EPHA2: variants seen among roughly 807,000 people sequenced by gnomAD.
The protein encoded by EPHA2 is EPH receptor A2, also known as ephrin type-A receptor 2.
Under a neutral mutation model 104.9 loss-of-function variants are expected in EPHA2, and 54 were observed. The ratio of observed to expected loss-of-function variants is 0.51; its 90% CI spans 0.41 to 0.65. EPHA2 has a LOEUF of 0.65. Among genes scored for constraint, EPHA2 ranks in the 30% least tolerant of loss-of-function variants. The pLI, the probability that EPHA2 is intolerant of heterozygous loss-of-function variation, is 0.00. For synonymous variants in EPHA2, 560 were observed against 559.1 expected, an observed-to-expected ratio of 1.00 and a Z score of -0.02; for missense variants, 1,117 against 1,369.5, an observed-to-expected ratio of 0.82 and a Z score of 2.91.
chr1:16,152,227 G>A (rs1363217127), intron 1 of EPHA2, among the ~76,000 whole-genome samples: 2 of 152,216 alleles, frequency 1.3e-5, no homozygotes, highest in African/African-American at 4.8e-5. Context: ...GACTCAAAGG[G>A]TGGACAGAGC....
At position 16,135,687 on chromosome 1, in the gene EPHA2, C is replaced by A; in HGVS notation, c.1396G>T (p.Val466Leu). The change falls in exon 6 of 17, where the codon GTG (valine) becomes TTG (leucine). Residue 466 changes from valine to leucine, a missense_variant. Physicochemically the swap from Val to Leu is conservative, Grantham distance 32. Transcript: ENST00000358432. The surrounding 1 kb of genome is among the most constrained non-coding windows in gnomAD (Gnocchi z 4.3). Reference sequence around the variant, plus strand: ...CGGTAAGTGACCTCGTACTTCCACACTCGGCTCTGCTGCGGCGGGGGGATG... The same window carrying A: ...CGGTAAGTGACCTCGTACTTCCACAATCGGCTCTGCTGCGGCGGGGGGATG... ...WSIPPPQQSR[V>L]WKYEVTYRKK... is the part of the protein sequence containing the mutation. 3 of 1,613,938 alleles carry A rather than the reference C, an allele frequency of 1.9e-6. No individual in the cohort carries two copies. Among genetic ancestry groups the A allele is most frequent in the Non-Finnish European group, 2.5e-6 (3 of 1,180,008 alleles).
chr1:16,135,852 G>GGATGTGGCT lies in EPHA2; in HGVS notation c.1313-83_1313-82insAGCCACATC. 1 of 732,030 alleles carries GGATGTGGCT rather than the reference G, an allele frequency of 1.4e-6. No homozygotes were observed. Among genetic ancestry groups the GGATGTGGCT allele is most frequent in the Non-Finnish European group, 2.5e-6 (1 of 399,216 alleles). 45.3% of individuals were successfully genotyped at this position (732,030 alleles called of 1,614,324 possible). A position where few individuals can be genotyped will look rare whatever the true frequency, so the allele number is the denominator to read the frequency against. ...GTTTGGGGGGACAAGTGGACGTGGA[G>GGATGTGGCT]CCACATCCTCCACAGCCCAGATTCT... On this transcript the variant is annotated intron_variant, in intron 5 of 16. Coordinates refer to ENST00000358432, the MANE Select transcript of EPHA2 (RefSeq NM_004431.5). This position sits in a 1 kb window ranked among gnomAD's most constrained non-coding sequence, Gnocchi z 4.3.
At position 16,134,357 on chromosome 1, in the gene EPHA2, T is replaced by TAGA; in HGVS notation, c.1682+108_1682+110dup. On this transcript the variant is annotated intron_variant, in intron 8 of 16. Coordinates refer to ENST00000358432, the MANE Select transcript of EPHA2 (RefSeq NM_004431.5). The surrounding 1 kb of genome is among the most constrained non-coding windows in gnomAD (Gnocchi z 4.5). ...CCTCGCACCATCCGGAGGCAGGGAT[T>TAGA]AGACTCGACTAGCATCCTGTGGGCC... is the stretch of plus-strand genomic sequence containing the variant. The TAGA allele has an allele frequency of 8.5e-7, 1 of 1,174,540 alleles. No individual in the cohort carries two copies. The allele number at this position is 1,174,540 out of a possible 1,614,324, so 72.8% of individuals were successfully genotyped here. A position where few individuals can be genotyped will look rare whatever the true frequency, so the allele number is the denominator to read the frequency against.
intron 15 of EPHA2, 124 bp from the exon 16 acceptor site, chr1:16,129,713 C>T: frequency 1.5e-6 from 2 of 1,316,882 alleles, no homozygotes; most frequent in Non-Finnish European, 2.0e-6. Context: ...CTTATCTGGG[C>T]AACAGGGAAG....
At chr1:16,138,555 C>A (rs957607173) in intron 3 of EPHA2, 125 bp from the exon 4 acceptor site, 3 of 1,403,096 alleles carry the variant, frequency 2.1e-6, no homozygotes, top group African/African-American at 2.8e-5. Context: ...CTCTATGGAC[C>A]TGTTTTCTCA....
Position 16,152,732 on chromosome 1 carries a change from C to A in EPHA2, c.86-1769G>T, listed in dbSNP as rs559778239. On this transcript the variant is annotated intron_variant, in intron 1 of 16. Transcript: ENST00000358432. ...TCTGTGCCCAAGTGAGAGGGCTCAC[C>A]GCTACCAGGCTTCTGAAGGGTTAAC... Among the ~76,000 whole-genome samples the A allele has an allele frequency of 3.9e-5, 6 of 152,322 alleles. No homozygotes were observed. In the South Asian group the frequency reaches 1.0e-3, roughly 26 times the overall value.
chr1:16,136,335 A>ATAATAATAATAAT, intron 5 of EPHA2, among the ~76,000 whole-genome samples: 3 of 148,794 alleles, frequency 2.0e-5, no homozygotes, highest in African/African-American at 4.9e-5. Flanking sequence ...AATAATAATA[A>ATAATAATAATAAT]AAGGCCAGGT....
chr1:16,131,896 C>A lies in EPHA2; in HGVS notation c.2326-26G>T. 2 of 1,611,538 alleles carry A rather than the reference C, an allele frequency of 1.2e-6. No homozygotes were observed. The highest frequency in any genetic ancestry group is 1.7e-6 in the Non-Finnish European group (2 of 1,178,822). ...CTGCAGGGAACCCAGGCCCAGTCAC[C>A]ACTGTGCCCTCTGGCTGGCCCCAGG... On this transcript the variant is annotated intron_variant, in intron 13 of 16. Coordinates refer to ENST00000358432, the MANE Select transcript of EPHA2 (RefSeq NM_004431.5). This position sits in a 1 kb window ranked among gnomAD's most constrained non-coding sequence, Gnocchi z 5.2.
In EPHA2 at chr1:16,129,552, C is replaced by T. The variant is rs764404987; in HGVS notation, c.2707G>A (p.Gly903Arg). 3 of 1,612,854 alleles carry T rather than the reference C, an allele frequency of 1.9e-6. No individual in the cohort carries two copies. In the African/African-American group the frequency reaches 4.0e-5, roughly 22 times the overall value. Residue 903 changes from glycine to arginine, a missense_variant, in exon 16 of 17, where the codon GGG becomes AGG. Around this residue, in one of 3 missense-constraint regions of EPHA2, gnomAD observed 340 missense variants for 480.5 expected, o/e 0.71. Transcript: ENST00000358432. Reference protein sequence around the residue: ...IRLPSTSGSEGVPFRTVSEWL... With the variant: ...IRLPSTSGSERVPFRTVSEWL... ...TCGGACACCGTGCGGAAGGGCACCC[C>T]CTCCGAGCCGCTCGTGCTGGGGAGC...
intron 1 of EPHA2, chr1:16,155,525 T>C: frequency 3.0e-6 from 1 of 337,014 alleles, no homozygotes; most frequent in Non-Finnish European, 5.4e-6. Context: ...CCCCCTTCTC[T>C]AGGGGACTCC....
chr1:16,144,455 G>A (rs1454043885), intron 3 of EPHA2, among the ~76,000 whole-genome samples: 2 of 152,146 alleles, frequency 1.3e-5, no homozygotes, highest in Non-Finnish European at 2.9e-5. Context: ...GCCATGGCCC[G>A]AGACCACCCT....
chr1:16,129,576 G>T lies in EPHA2; in HGVS notation c.2683C>A (p.Leu895Ile). The change falls in exon 16 of 17, where the codon CTC becomes ATC. Residue 895 changes from leucine (L) to isoleucine (I), a missense_variant. Leu to Ile is a conservative substitution (Grantham distance 5). This residue lies in a region of EPHA2 where 340 missense variants were observed against 480.5 expected (regional missense o/e 0.71). Coordinates refer to ENST00000358432, the MANE Select transcript of EPHA2 (RefSeq NM_004431.5). ...CCCTCCGAGCCGCTCGTGCTGGGGA[G>T]CCGGATAGACACGCTGCAACAGGAA... is the stretch of plus-strand genomic sequence containing the variant. Reference protein sequence around the residue: ...ADFDPRVSIRLPSTSGSEGVP... With the variant: ...ADFDPRVSIRIPSTSGSEGVP... The T allele has an allele frequency of 6.2e-7, 1 of 1,611,546 alleles. No homozygotes were observed.
chr1:16,131,672 G>T lies in EPHA2; in HGVS notation c.2475+49C>A, dbSNP rs2024571361. 6 of 1,612,710 alleles carry T rather than the reference G, an allele frequency of 3.7e-6. No individual in the cohort carries two copies. In the East Asian group the frequency reaches 1.3e-4, roughly 36 times the overall value. On this transcript the variant is annotated intron_variant, in intron 14 of 16. Transcript: ENST00000358432. The surrounding 1 kb of genome is among the most constrained non-coding windows in gnomAD (Gnocchi z 5.2). Reference sequence around the variant, plus strand: ...GCCCCTGCAGTTTGAGATGAGTAAAGGGCTTGAGTTCAGGTCCGGACAGGC... The same window carrying T: ...GCCCCTGCAGTTTGAGATGAGTAAATGGCTTGAGTTCAGGTCCGGACAGGC...
rs1277454665 is a variant in EPHA2, at chr1:16,135,572, G to A, written c.1428+83C>T. 1.5e-6 allele frequency: 2 copies of A among 1,323,252 alleles called. No individual in the cohort carries two copies. The highest frequency in any genetic ancestry group is 2.3e-5 in the East Asian group (1 of 43,464). The allele number at this position is 1,323,252 out of a possible 1,614,324, so 82.0% of individuals were successfully genotyped here. On this transcript the variant is annotated intron_variant, in intron 6 of 16. Transcript: ENST00000358432. The surrounding 1 kb of genome is among the most constrained non-coding windows in gnomAD (Gnocchi z 4.3). Reference sequence around the variant, plus strand: ...AGAAGGGTGCTTCTTCAGATGGCTGGGTGGTTTGGTGATCATCTATGTGAC... The same window carrying A: ...AGAAGGGTGCTTCTTCAGATGGCTGAGTGGTTTGGTGATCATCTATGTGAC...
chr1:16,155,819 C>G, intron 1 of EPHA2, 29 bp downstream of exon 1: 1 of 1,389,392 alleles, frequency 7.2e-7, no homozygotes, highest in Non-Finnish European at 9.3e-7. Flanking sequence ...GGCCCGGGGG[C>G]CAGGGGTCCA....
rs745637976 is a variant in EPHA2 at position 16,148,133 on chromosome 1, C to T, written c.823+245G>A. Among the ~76,000 whole-genome samples the T allele has an allele frequency of 3.3e-5, 5 of 152,166 alleles. No homozygotes were observed. Among genetic ancestry groups the T allele is most frequent in the Non-Finnish European group, 7.4e-5 (5 of 68,022 alleles). On this transcript the variant is annotated intron_variant, in intron 3 of 16. Transcript: ENST00000358432. The surrounding 1 kb of genome is among the most constrained non-coding windows in gnomAD (Gnocchi z 4.9). Reference sequence around the variant, plus strand: ...TCAAGTGATCCACCCACCTCAGCCTCCCAAAGTGCTGGGATTACAGGCATG... The same window carrying T: ...TCAAGTGATCCACCCACCTCAGCCTTCCAAAGTGCTGGGATTACAGGCATG...
chr1:16,141,250 G>A (rs1245034367), intron 3 of EPHA2, among the ~76,000 whole-genome samples: 2 of 152,182 alleles, frequency 1.3e-5, no homozygotes, highest in African/African-American at 4.8e-5. Context: ...TTGTGTCTGT[G>A]AGCAGAAAAG....
intron 3 of EPHA2, among the ~76,000 whole-genome samples, chr1:16,142,782 G>T (rs1424344789): frequency 1.3e-5 from 2 of 150,988 alleles, no homozygotes; most frequent in African/African-American, 4.9e-5. Flanking sequence ...TGGGTTGGTG[G>T]GTGGACAGGT....
Position 16,150,125 on chromosome 1 carries a change from C to T in EPHA2, c.153+771G>A, listed in dbSNP as rs561876477. Among the ~76,000 whole-genome samples, 9 of 152,254 alleles carry T rather than the reference C, an allele frequency of 5.9e-5. No individual in the cohort carries two copies. Among genetic ancestry groups the T allele is most frequent in the East Asian group, 1.9e-4 (1 of 5,182 alleles). On this transcript the variant is annotated intron_variant, in intron 2 of 16. Transcript: ENST00000358432. The surrounding 1 kb of genome is among the most constrained non-coding windows in gnomAD (Gnocchi z 4.8). ...CAAGCCTGCCCAGAGCTAGGGTGAC[C>T]GGGGACAAGAACTCGACTCATGCAG...
Sources: gnomAD v4.1 joint callset for allele counts (sites outside exome capture counted in the v4.1 genomes callset) on GRCh38, gnomAD v4.1.1 for gene constraint, gnomAD v4.1.1 regional missense constraint, Gnocchi (gnomAD v3.1) non-coding constraint, MANE v1.5 for transcripts, NCBI Gene and HGNC (gene_info 2026-07-23, HGNC 2026-07-21) for gene names.